Variants in CDKN1A observed in about 807,000 individuals in gnomAD.
CDKN1A encodes cyclin-dependent kinase inhibitor 1.
In CDKN1A, 14 loss-of-function variants were observed where a neutral mutation model predicts 14.8. The ratio of observed to expected loss-of-function variants is 0.94; its 90% CI spans 0.62 to 1.48. The LOEUF (loss-of-function observed/expected upper bound fraction) is 1.48. CDKN1A is among the 40% of genes most tolerant of loss of function. The probability of loss-of-function intolerance (pLI) is 0.00; values close to 1 mark genes in which losing one functional copy is unlikely to be tolerated. For missense variants in CDKN1A, 203 were observed against 231.7 expected, an observed-to-expected ratio of 0.88 and a Z score of 0.80; for synonymous variants, 92 against 93.5, an observed-to-expected ratio of 0.98 and a Z score of 0.09.
upstream of CDKN1A, chr6:36,678,521 C>A: frequency 7.7e-6 from 2 of 260,874 alleles, no homozygotes; most frequent in Non-Finnish European, 1.2e-5. This position sits in a 1 kb window ranked among gnomAD's most constrained non-coding sequence, Gnocchi z 5.7. Context: ...TCCTGCAGCA[C>A]GCGAGGTTCC....
chr6:36,686,300 T>C lies in CDKN1A; in HGVS notation c.*500T>C. 1 of 295,738 alleles carries C rather than the reference T, an allele frequency of 3.4e-6. No homozygotes were observed. Among genetic ancestry groups the C allele is most frequent in the Non-Finnish European group, 6.4e-6 (1 of 156,536 alleles). 18.3% of individuals were successfully genotyped at this position (295,738 alleles called of 1,614,324 possible). A position where few individuals can be genotyped will look rare whatever the true frequency, so the allele number is the denominator to read the frequency against. The stretch of plus-strand genomic sequence containing the variant: ...GAAGGGGCCTCACCGAGTGGGGGCA[T>C]CATCAAAAACTTTGGAGTCCCCTCA... On this transcript the variant is annotated 3_prime_UTR_variant, in exon 3 of 3. Coordinates refer to ENST00000244741, the MANE Select transcript of CDKN1A (RefSeq NM_000389.5). The surrounding 1 kb of genome is among the most constrained non-coding windows in gnomAD (Gnocchi z 4.9).
upstream of CDKN1A, chr6:36,677,599 C>G (rs1442118261): frequency 5.3e-6 from 2 of 374,566 alleles, no homozygotes; most frequent in African/African-American, 2.1e-5. Flanking sequence ...TCAGAAGAAC[C>G]AGTAGACACT....
At position 36,684,183 on chromosome 6, in the gene CDKN1A, G is replaced by A. The variant is rs763967941; in HGVS notation, c.82G>A (p.Glu28Lys). ...CRRLFGPVDS[E>K]QLSRDCDALM... ...CCGCCTCTTCGGCCCAGTGGACAGC[G>A]AGCAGCTGAGCCGCGACTGTGATGC... Residue 28 changes from glutamate (E) to lysine (K), a missense_variant, in exon 2 of 3, where the codon GAG (glutamate) becomes AAG (lysine). By Grantham distance (56) the Glu-to-Lys change is moderately conservative. Transcript: ENST00000244741. The surrounding 1 kb of genome is among the most constrained non-coding windows in gnomAD (Gnocchi z 6.0). 13 of 1,611,964 alleles carry A rather than the reference G, an allele frequency of 8.1e-6. No individual in the cohort carries two copies. The African/African-American group carries it at 1.2e-4, about 15-fold the overall frequency.
intron 1 of CDKN1A, among the ~76,000 whole-genome samples, chr6:36,681,280 T>TTTCTTTCTTTCTTTC (rs1308733953): frequency 0.013 from 1,465 of 112,468 alleles, 88 homozygotes; most frequent in East Asian, 0.02. Context: ...TTCTTTCTTT[T>TTTCTTTCTTTCTTTC]TTTCTTTCTT....
At position 36,679,680 on chromosome 6, in the gene CDKN1A, C is replaced by A. The variant is rs3176328; in HGVS notation, c.-6+882C>A. Among the ~76,000 whole-genome samples the A allele has an allele frequency of 8.6e-3, 1,309 of 152,292 alleles. 16 individuals are homozygous for A. The highest frequency in any genetic ancestry group is 0.044 in the Middle Eastern group (13 of 294). ...CGCTGTAGGGGTCGGGGAGTCACGG[C>A]CCTGCTCTGGGCGGGCTCTAACCAG... is the stretch of plus-strand genomic sequence containing the variant. On this transcript the variant is annotated intron_variant, in intron 1 of 2. Coordinates refer to ENST00000244741, the MANE Select transcript of CDKN1A (RefSeq NM_000389.5).
At chr6:36,685,678 G>T in intron 2 of CDKN1A, 73 bp from the exon 3 acceptor site, 1 of 1,512,802 alleles carries the variant, frequency 6.6e-7, no homozygotes, top group Non-Finnish European at 9.2e-7. Context: ...GCCCCCCACT[G>T]TCTTCCTCAG....
intron 1 of CDKN1A, among the ~76,000 whole-genome samples, chr6:36,679,791 G>C (rs1334556817): frequency 1.3e-5 from 2 of 152,056 alleles, no homozygotes; most frequent in East Asian, 3.9e-4. Flanking sequence ...TCCTCGGGTC[G>C]GGGCGCTGGA....
intron 1 of CDKN1A, among the ~76,000 whole-genome samples, chr6:36,681,018 G>C (rs1438714914): frequency 1.3e-5 from 2 of 152,146 alleles, no homozygotes. Context: ...TTGAACTCCC[G>C]AGAGCCAGGG....
upstream of CDKN1A, among the ~76,000 whole-genome samples, chr6:36,677,299 G>A (rs1761726242): frequency 6.6e-6 from 1 of 152,150 alleles, no homozygotes; most frequent in Admixed American, 6.5e-5. Flanking sequence ...GGAGAAAGAA[G>A]CCTGTCCTCC....
rs1297375941 is a variant in CDKN1A at position 36,687,066 on chromosome 6, A to T, written c.*1266A>T. The T allele has an allele frequency of 4.3e-6, 1 of 233,200 alleles. No homozygotes were observed. The highest frequency in any genetic ancestry group is 8.5e-6 in the Non-Finnish European group (1 of 118,078). The allele number at this position is 233,200 out of a possible 1,614,324, so 14.4% of individuals were successfully genotyped here. On this transcript the variant is annotated 3_prime_UTR_variant, in exon 3 of 3. Transcript: ENST00000244741. ...GCTGGGAGTAGTTGTCTTTCCTGGC[A>T]CTAACGTTGAGCCCCTGGAGGCACT...
At chr6:36,681,193 CA>C (rs1761928803) in intron 1 of CDKN1A, among the ~76,000 whole-genome samples, 1 of 152,182 alleles carries the variant, frequency 6.6e-6, no homozygotes, top group Non-Finnish European at 1.5e-5. Flanking sequence ...CTTGAATCTT[CA>C]ATCTGGATTA....
upstream of CDKN1A, chr6:36,678,569 C>T: frequency 1.3e-6 from 1 of 768,898 alleles, no homozygotes; most frequent in African/African-American, 1.9e-5. The surrounding 1 kb of genome is among the most constrained non-coding windows in gnomAD (Gnocchi z 5.7). Flanking sequence ...CCAGGCTCAG[C>T]TGGCTCGGCG....
chr6:36,681,281 T>TCTTTCC (rs1562037987), intron 1 of CDKN1A, among the ~76,000 whole-genome samples: 4 of 77,976 alleles, frequency 5.1e-5, no homozygotes, highest in South Asian at 4.8e-4. Flanking sequence ...TCTTTCTTTT[T>TCTTTCC]TTCTTTCTTT....
chr6:36,678,817 A>C lies in CDKN1A; in HGVS notation c.-6+19A>C, dbSNP rs988018910. 1 of 985,726 alleles carries C rather than the reference A, an allele frequency of 1.0e-6. No individual in the cohort carries two copies. The highest frequency in any genetic ancestry group is 5.2e-4 in the Middle Eastern group (1 of 1,916). 61.1% of individuals were successfully genotyped at this position (985,726 alleles called of 1,614,324 possible). On this transcript the variant is annotated intron_variant, in intron 1 of 2. Transcript: ENST00000244741. This position sits in a 1 kb window ranked among gnomAD's most constrained non-coding sequence, Gnocchi z 5.7. Reference sequence around the variant, plus strand: ...AGAGGAGGTGAGAGAGCGGCGGCAGACAACAGGGGACCCCGGGCCGGCGGC... The same window carrying C: ...AGAGGAGGTGAGAGAGCGGCGGCAGCCAACAGGGGACCCCGGGCCGGCGGC...
intron 1 of CDKN1A, among the ~76,000 whole-genome samples, chr6:36,679,479 G>A (rs944685963): frequency 3.3e-5 from 5 of 152,220 alleles, no homozygotes; most frequent in African/African-American, 1.2e-4. Flanking sequence ...GACTGTATGA[G>A]GTCAGAACCC....
chr6:36,681,325 T>TTTCC (rs1270139609), intron 1 of CDKN1A, among the ~76,000 whole-genome samples: 87 of 111,662 alleles, frequency 7.8e-4, no homozygotes, highest in African/African-American at 2.6e-3. Context: ...TCTTTCTTTC[T>TTTCC]TTCTTTCTTT....
intron 1 of CDKN1A, among the ~76,000 whole-genome samples, chr6:36,679,753 G>A (rs1203592265): frequency 2.6e-5 from 4 of 152,082 alleles, no homozygotes; most frequent in Non-Finnish European, 4.4e-5. Context: ...CTTTCCCACC[G>A]CGGCCGGGAG....
intron 1 of CDKN1A, chr6:36,680,931 G>A (rs982410879): frequency 1.3e-4 from 20 of 152,308 alleles, no homozygotes; most frequent in African/African-American, 4.8e-4. Flanking sequence ...GATGGGGGAG[G>A]AGAGGCCTAT....
At chr6:36,682,043 C>T (rs1562039126) in intron 1 of CDKN1A, among the ~76,000 whole-genome samples, 1 of 152,210 alleles carries the variant, frequency 6.6e-6, no homozygotes, top group Non-Finnish European at 1.5e-5. Flanking sequence ...CTGCCCCTGG[C>T]CTCCCCAAGT....
Sources: gnomAD v4.1 joint callset for allele counts (sites outside exome capture counted in the v4.1 genomes callset) on GRCh38, gnomAD v4.1.1 for gene constraint, Gnocchi (gnomAD v3.1) non-coding constraint, MANE v1.5 for transcripts, NCBI Gene and HGNC (gene_info 2026-07-23, HGNC 2026-07-21) for gene names.